Variants in ASZ1 observed in about 807,000 individuals in gnomAD.
The protein encoded by ASZ1 is ankyrin repeat, SAM and basic leucine zipper domain containing 1.
A neutral mutation model predicts 61.8 loss-of-function variants in ASZ1; 67 were observed. The observed-to-expected ratio is 1.08, with a 90% CI of 0.89 to 1.33. The LOEUF (loss-of-function observed/expected upper bound fraction) is 1.33, where lower values mean the gene tolerates loss of function less well. Ranked by LOEUF, ASZ1 falls within the 40% of genes most tolerant of loss-of-function variation. The pLI is 0.00. For missense variants in ASZ1, 577 were observed against 554.5 expected (o/e 1.04, Z -0.41); for synonymous variants, 193 against 192.7 (o/e 1.00, Z -0.01).
In ASZ1 at chr7:117,363,565, G is replaced by A. The variant is rs770624989; in HGVS notation, c.*31C>T. 3.3e-6 allele frequency: 5 copies of A among 1,523,214 alleles called. 1 individual carries two copies. In the African/African-American group the frequency reaches 5.6e-5, roughly 17 times the overall value. The allele number at this position is 1,523,214 out of a possible 1,614,324, so 94.4% of individuals were successfully genotyped here. ...TGATTTTTGGATGGTTCAATAAGATGTGTATATATAACTTAAAACAAATAT... is the reference window on the plus strand; with the variant it reads ...TGATTTTTGGATGGTTCAATAAGATATGTATATATAACTTAAAACAAATAT... On this transcript the variant is annotated 3_prime_UTR_variant, in exon 13 of 13. Transcript: ENST00000284629.
chr7:117,393,661 T>C (rs1285161774), intron 4 of ASZ1, among the ~76,000 whole-genome samples: 1 of 152,226 alleles, frequency 6.6e-6, no homozygotes, highest in Non-Finnish European at 1.5e-5. Context: ...TTTTAGCCAA[T>C]ATGAGAGTTA....
Position 117,384,789 on chromosome 7 carries a change from TTTA to T in ASZ1, c.621_623del (p.Asn207del). 6.2e-7 allele frequency: 1 copy of T among 1,611,536 alleles called. No homozygotes were observed. The highest frequency in any genetic ancestry group is 8.5e-7 in the Non-Finnish European group (1 of 1,179,046). On this transcript the variant is annotated inframe_deletion, in exon 6 of 13. Transcript: ENST00000284629. ...TCTTTCCATCTTTGGTTTGTAGCAT[TTTA>T]TTAGCTCCAAGTTCAAGCAACTTCA...
At chr7:117,393,900 A>G (rs1346276177) in intron 4 of ASZ1, among the ~76,000 whole-genome samples, 1 of 152,132 alleles carries the variant, frequency 6.6e-6, no homozygotes, top group Non-Finnish European at 1.5e-5. Flanking sequence ...ATTTTCTTCA[A>G]GTACAGTACT....
At chr7:117,366,798 A>C (rs753304340) in intron 12 of ASZ1, among the ~76,000 whole-genome samples, 69 of 152,326 alleles carry the variant, frequency 4.5e-4, no homozygotes, top group Admixed American at 7.2e-4. Context: ...AACAGAACCA[A>C]TAAATACTTC....
chr7:117,371,690 C>T, intron 10 of ASZ1, among the ~76,000 whole-genome samples: 1 of 151,974 alleles, frequency 6.6e-6, no homozygotes, highest in Non-Finnish European at 1.5e-5. Context: ...TTTCAGTGTT[C>T]TTTAAATATT....
At chr7:117,398,536 G>C (rs923807128) in intron 4 of ASZ1, among the ~76,000 whole-genome samples, 3 of 152,228 alleles carry the variant, frequency 2.0e-5, no homozygotes, top group Non-Finnish European at 4.4e-5. Flanking sequence ...CATACTGGCA[G>C]GTATAGTGCT....
intron 4 of ASZ1, among the ~76,000 whole-genome samples, chr7:117,411,582 A>G (rs1373798615): frequency 1.3e-5 from 2 of 151,870 alleles, no homozygotes; most frequent in African/African-American, 4.8e-5. Context: ...ATAACTTGCA[A>G]GATTTTAAAT....
Position 117,367,505 on chromosome 7 carries a change from A to G in ASZ1, c.1162-40T>C, listed in dbSNP as rs188189009. On this transcript the variant is annotated intron_variant, in intron 11 of 12. Coordinates refer to ENST00000284629, the MANE Select transcript of ASZ1 (RefSeq NM_130768.3). The stretch of plus-strand genomic sequence containing the variant: ...AAAAGTTCAACATTAAATAATGGAA[A>G]TAACTTTCTACAACTTTATATCCAC... The G allele has an allele frequency of 5.8e-4, 793 of 1,360,322 alleles. 1 individual carries two copies. The highest frequency in any genetic ancestry group is 7.1e-4 in the Non-Finnish European group (743 of 1,041,868). The allele number at this position is 1,360,322 out of a possible 1,614,324, so 84.3% of individuals were successfully genotyped here.
chr7:117,410,421 C>A lies in ASZ1; in HGVS notation c.440+9742G>T, dbSNP rs1050742320. 2.0e-5 allele frequency among the ~76,000 whole-genome samples: 3 copies of A among 151,554 alleles called. No homozygotes were observed. The East Asian group carries it at 5.8e-4, about 29-fold the overall frequency. Reference sequence around the variant, plus strand: ...TTCAATTTTTCTTAATAGCGTAACTCAAAATACATTTTTGCTTAATTTTAA... The same window carrying A: ...TTCAATTTTTCTTAATAGCGTAACTAAAAATACATTTTTGCTTAATTTTAA... On this transcript the variant is annotated intron_variant, in intron 4 of 12. Coordinates refer to ENST00000284629, the MANE Select transcript of ASZ1 (RefSeq NM_130768.3).
chr7:117,422,919 T>C (rs1797125670), intron 2 of ASZ1, among the ~76,000 whole-genome samples: 1 of 152,124 alleles, frequency 6.6e-6, no homozygotes, highest in Non-Finnish European at 1.5e-5. Flanking sequence ...ATTACATATG[T>C]ATTATAAAGA....
chr7:117,382,925 A>G (rs745783535), intron 7 of ASZ1, 61 bp downstream of exon 7: 12 of 1,416,248 alleles, frequency 8.5e-6, no homozygotes, highest in Non-Finnish European at 1.1e-5. Context: ...CATTTACTAC[A>G]ATAAAATATA....
At chr7:117,419,214 A>T (rs549706789) in intron 4 of ASZ1, among the ~76,000 whole-genome samples, 1 of 152,178 alleles carries the variant, frequency 6.6e-6, no homozygotes, top group Non-Finnish European at 1.5e-5. Context: ...TAACAATCAA[A>T]AATGTCTCTA....
At chr7:117,385,547 C>G in intron 5 of ASZ1, 151 bp downstream of exon 5, 1 of 672,178 alleles carries the variant, frequency 1.5e-6, no homozygotes, top group South Asian at 2.0e-5. Flanking sequence ...AGGTGTGAGT[C>G]ACCATACCCT....
chr7:117,381,951 T>C (rs1317899876), intron 8 of ASZ1, 118 bp downstream of exon 8: 5 of 669,646 alleles, frequency 7.5e-6, no homozygotes, highest in Non-Finnish European at 1.3e-5. Flanking sequence ...CTACAAATTA[T>C]GGTGAAAAGT....
chr7:117,377,310 GA>G (rs1796155887), intron 10 of ASZ1, among the ~76,000 whole-genome samples: 1 of 152,076 alleles, frequency 6.6e-6, no homozygotes, highest in Non-Finnish European at 1.5e-5. Context: ...AGGATCACTT[GA>G]ACCTAGGAGT....
intron 1 of ASZ1, 74 bp downstream of exon 1, chr7:117,427,282 G>C: frequency 6.7e-7 from 1 of 1,501,600 alleles, no homozygotes; most frequent in East Asian, 2.3e-5. Flanking sequence ...GAGGTTTCAC[G>C]AGGCTGGGCC....
At chr7:117,401,264 A>G (rs1169685539) in intron 4 of ASZ1, among the ~76,000 whole-genome samples, 1 of 152,162 alleles carries the variant, frequency 6.6e-6, no homozygotes, top group Non-Finnish European at 1.5e-5. Flanking sequence ...GCAGTATCTT[A>G]AGACATACTG....
intron 4 of ASZ1, among the ~76,000 whole-genome samples, chr7:117,392,848 CTTTTT>C (rs761543858): frequency 7.2e-6 from 1 of 139,028 alleles, no homozygotes. Flanking sequence ...TAAGATATAT[CTTTTT>C]TTTTTTTTTT....
chr7:117,410,453 A>C (rs1433289521), intron 4 of ASZ1, among the ~76,000 whole-genome samples: 3 of 151,642 alleles, frequency 2.0e-5, no homozygotes, highest in Admixed American at 1.3e-4. Flanking sequence ...TTAACAATGA[A>C]AATTATGACT....
Sources: allele counts gnomAD v4.1 joint callset (sites outside exome capture counted in the v4.1 genomes callset), GRCh38; gene constraint gnomAD v4.1.1; transcripts MANE v1.5; gene names NCBI Gene and HGNC (gene_info 2026-07-23, HGNC 2026-07-21).